KDM4B: variants seen among roughly 807,000 people sequenced by gnomAD.
KDM4B encodes lysine demethylase 4B, also known as lysine-specific demethylase 4B.
Under a neutral mutation model 125.2 loss-of-function variants are expected in KDM4B, and 32 were observed. The observed-to-expected ratio is 0.26, with a 90% confidence interval of 0.19 to 0.34. The LOEUF (loss-of-function observed/expected upper bound fraction) is 0.34, where lower values mean the gene tolerates loss of function less well. Ranked by LOEUF, KDM4B falls within the 10% of genes least tolerant of loss-of-function variation. KDM4B has a pLI of 1.00. For synonymous variants in KDM4B, 721 were observed against 677.9 expected (o/e 1.06, Z -0.99); for missense variants, 1,190 against 1,577.7 (o/e 0.75, Z 4.16).
At chr19:5,117,615 C>T (rs1159103863) in intron 10 of KDM4B, among the ~76,000 whole-genome samples, 1 of 152,194 alleles carries the variant, frequency 6.6e-6, no homozygotes, top group African/African-American at 2.4e-5. Context: ...ATTTGCCTAG[C>T]CCCCTAGTGG....
intron 9 of KDM4B, among the ~76,000 whole-genome samples, chr19:5,090,654 C>G (rs544130909): frequency 1.7e-4 from 22 of 128,888 alleles, no homozygotes; most frequent in African/African-American, 6.4e-4. Flanking sequence ...TCCGGCCCCC[C>G]CTTCCCCCCA....
Position 4,976,033 on chromosome 19 carries a change from T to C in KDM4B, c.-109+6803T>C, listed in dbSNP as rs543496384. The stretch of plus-strand genomic sequence containing the variant: ...GAGAGGCCGAGGCGGGTGGATCACC[T>C]GAGGTCAGGAGTTCGAGACCATCCT... On this transcript the variant is annotated intron_variant, in intron 1 of 22. Coordinates refer to ENST00000159111, the MANE Select transcript of KDM4B (RefSeq NM_015015.3). Among the ~76,000 whole-genome samples the C allele has an allele frequency of 5.9e-5, 9 of 151,550 alleles. No individual in the cohort carries two copies. The East Asian group carries it at 1.6e-3, about 27-fold the overall frequency.
At position 5,134,024 on chromosome 19, in the gene KDM4B, A is replaced by G. The variant is rs1264084695; in HGVS notation, c.2048A>G (p.Tyr683Cys). 8.1e-6 allele frequency: 13 copies of G among 1,608,766 alleles called. No homozygotes were observed. The highest frequency in any genetic ancestry group is 2.2e-5 in the South Asian group (2 of 90,988). ...FNAAAARTEP[Y>C]CAICTLFYPY... The stretch of plus-strand genomic sequence containing the variant: ...GCAGCGGCTGCGCGCACGGAGCCCT[A>G]CTGCGCCATCTGCACGCTCTTCTAC... Residue 683 changes from tyrosine to cysteine, a missense_variant, in exon 14 of 23, where the codon TAC (tyrosine) becomes TGC (cysteine). Physicochemically the swap from Tyr to Cys is radical, Grantham distance 194 (BLOSUM62 -2). This residue lies in a region of KDM4B where 128 missense variants were observed against 137.8 expected (regional missense o/e 0.93). Transcript: ENST00000159111.
chr19:5,069,983 C>T (rs1035632942), intron 6 of KDM4B, among the ~76,000 whole-genome samples: 1 of 152,176 alleles, frequency 6.6e-6, no homozygotes, highest in African/African-American at 2.4e-5. Flanking sequence ...CTCCCACCCT[C>T]TGAGCTTTTC....
At chr19:5,079,487 T>TA (rs1320797061) in intron 8 of KDM4B, among the ~76,000 whole-genome samples, 1 of 152,164 alleles carries the variant, frequency 6.6e-6, no homozygotes, top group Non-Finnish European at 1.5e-5. Context: ...GTGAGGTCCT[T>TA]ACACTGTGAG....
rs897556794 is a variant in KDM4B at position 5,141,628 on chromosome 19, A to G, written c.2551-2339A>G. The G allele has an allele frequency of 2.0e-5, 3 of 151,986 alleles. No homozygotes were observed. The highest frequency in any genetic ancestry group is 4.4e-5 in the Non-Finnish European group (3 of 68,010). 9.4% of individuals were successfully genotyped at this position (151,986 alleles called of 1,614,324 possible). A position where few individuals can be genotyped will look rare whatever the true frequency, so the allele number is the denominator to read the frequency against. ...AGGCATGGGGCACTCACTCCTGGTT[A>G]CCCATCCGTCAGTTTGTCTCCAGGA... is the stretch of plus-strand genomic sequence containing the variant. On this transcript the variant is annotated intron_variant, in intron 18 of 22. Transcript: ENST00000159111. This position sits in a 1 kb window ranked among gnomAD's most constrained non-coding sequence, Gnocchi z 6.4.
chr19:5,068,286 T>G (rs2037839030), intron 6 of KDM4B, among the ~76,000 whole-genome samples: 1 of 152,196 alleles, frequency 6.6e-6, no homozygotes, highest in Non-Finnish European at 1.5e-5. Context: ...ACTGTGGGTC[T>G]CTGCCGTGCA....
intron 1 of KDM4B, among the ~76,000 whole-genome samples, chr19:4,976,673 C>G (rs1191112425): frequency 3.3e-5 from 5 of 152,252 alleles, no homozygotes; most frequent in African/African-American, 4.8e-5. Context: ...TCTGCTGTCC[C>G]TGAGCACAGA....
At chr19:4,976,798 G>A (rs1233595326) in intron 1 of KDM4B, among the ~76,000 whole-genome samples, 6 of 152,266 alleles carry the variant, frequency 3.9e-5, no homozygotes, top group East Asian at 3.9e-4. Flanking sequence ...GACTGTGCCC[G>A]GCCACACTTC....
intron 22 of KDM4B, 48 bp from the exon 23 acceptor site, chr19:5,151,287 A>C: frequency 7.1e-7 from 1 of 1,404,716 alleles, no homozygotes; most frequent in Non-Finnish European, 9.4e-7. Flanking sequence ...CTGGGGCCGC[A>C]CAGAGTGTCT....
chr19:5,081,025 G>A lies in KDM4B; in HGVS notation c.781-1342G>A, dbSNP rs2038276882. 6.6e-6 allele frequency: 1 copy of A among 152,320 alleles called. No homozygotes were observed. 9.4% of individuals were successfully genotyped at this position (152,320 alleles called of 1,614,324 possible). The stretch of plus-strand genomic sequence containing the variant: ...TGTGGTGACTGAGAGCGCGTGCGTG[G>A]TTCGGTGGGGATGGCCTGGTAGAGG... On this transcript the variant is annotated intron_variant, in intron 8 of 22. Transcript: ENST00000159111. This position sits in a 1 kb window ranked among gnomAD's most constrained non-coding sequence, Gnocchi z 4.2.
In KDM4B at chr19:5,137,792, C is replaced by T. The variant is rs75464673; in HGVS notation, c.2441+116C>T. ...TTGACCATCACCTCCACATAACCGC[C>T]CTGTGTCATGGATGGGGTGGCCAGG... On this transcript the variant is annotated intron_variant, in intron 17 of 22. Coordinates refer to ENST00000159111, the MANE Select transcript of KDM4B (RefSeq NM_015015.3). 5.0e-4 allele frequency: 554 copies of T among 1,113,358 alleles called. 5 individuals carry two copies. The African/African-American group carries it at 7.4e-3, about 15-fold the overall frequency. The allele number at this position is 1,113,358 out of a possible 1,614,324, so 69.0% of individuals were successfully genotyped here.
At chr19:5,031,091 C>T (rs1467770270) in intron 2 of KDM4B, among the ~76,000 whole-genome samples, 1 of 152,236 alleles carries the variant, frequency 6.6e-6, no homozygotes, top group African/African-American at 2.4e-5. Context: ...CCGGTGGCTC[C>T]CTGGGGACAG....
At chr19:5,019,475 G>GACA in intron 2 of KDM4B, among the ~76,000 whole-genome samples, 1 of 146,174 alleles carries the variant, frequency 6.8e-6, no homozygotes. Flanking sequence ...TGTGGGTGTT[G>GACA]GTGTTGGTGT....
At chr19:5,001,298 A>AC (rs1456688012) in intron 1 of KDM4B, among the ~76,000 whole-genome samples, 4 of 152,138 alleles carry the variant, frequency 2.6e-5, no homozygotes, top group Non-Finnish European at 5.9e-5. Context: ...TGCTGGAATT[A>AC]CAGGTGTGAG....
chr19:5,139,224 C>T (rs903466029), intron 18 of KDM4B, among the ~76,000 whole-genome samples: 1 of 152,170 alleles, frequency 6.6e-6, no homozygotes, highest in East Asian at 1.9e-4. Flanking sequence ...TTTCATTTGG[C>T]ATAGTTTCCT....
In KDM4B at chr19:5,131,996, C is replaced by T. The variant is rs764564837; in HGVS notation, c.1895C>T (p.Ser632Leu). 2 of 1,608,198 alleles carry T rather than the reference C, an allele frequency of 1.2e-6. No homozygotes were observed. The highest frequency in any genetic ancestry group is 2.2e-5 in the South Asian group (2 of 90,404). The change falls in exon 13 of 23, where the codon TCA becomes TTA. Residue 632 changes from serine to leucine, a missense_variant. By Grantham distance (145) the Ser-to-Leu change is moderately radical. Coordinates refer to ENST00000159111, the MANE Select transcript of KDM4B (RefSeq NM_015015.3). The stretch of plus-strand genomic sequence containing the variant: ...CTGTCGGTGGTGAAGCAGGAGGCCT[C>T]AAGTGACGAGGGTGAGTGGGGGGTC... ...SPLSVVKQEA[S>L]SDEEASPFSG...
At chr19:5,126,257 T>C (rs2613801) in intron 11 of KDM4B, among the ~76,000 whole-genome samples, 89,614 of 151,978 alleles carry the variant, frequency 0.59, 26,580 homozygotes, top group East Asian at 0.66. Context: ...GTGTCCCCTA[T>C]CCCATTCTTA....
intron 1 of KDM4B, among the ~76,000 whole-genome samples, chr19:4,999,110 C>T (rs1309493808): frequency 1.3e-5 from 2 of 152,104 alleles, no homozygotes; most frequent in Admixed American, 6.5e-5. Flanking sequence ...TGATTCTTGC[C>T]GCATGGTGGT....
Sources: gnomAD v4.1 joint callset for allele counts (sites outside exome capture counted in the v4.1 genomes callset) on GRCh38, gnomAD v4.1.1 for gene constraint, gnomAD v4.1.1 regional missense constraint, Gnocchi (gnomAD v3.1) non-coding constraint, MANE v1.5 for transcripts, NCBI Gene and HGNC (gene_info 2026-07-23, HGNC 2026-07-21) for gene names.